The following CACNA2D3 variants were observed in gnomAD, a reference collection of about 807,000 sequenced individuals.
CACNA2D3 encodes the protein calcium voltage-gated channel auxiliary subunit alpha2delta 3, also known as voltage-dependent calcium channel subunit alpha-2/delta-3.
Under a neutral mutation model 160.6 loss-of-function variants are expected in CACNA2D3, and 60 were observed. The ratio of observed to expected loss-of-function variants is 0.37; its 90% CI spans 0.30 to 0.46. CACNA2D3 has a LOEUF of 0.46. Among genes scored for constraint, CACNA2D3 ranks in the 20% least tolerant of loss-of-function variants. The pLI, the probability that CACNA2D3 is intolerant of heterozygous loss-of-function variation, is 1.00. For synonymous variants in CACNA2D3, 558 were observed against 492.9 expected (o/e 1.13, Z -1.75); for missense variants, 1,205 against 1,365.0 (o/e 0.88, Z 1.85).
At position 54,883,829 on chromosome 3, in the gene CACNA2D3, T is replaced by TCTCTCTCTCTCTCTCTCC. The variant is rs753661413; in HGVS notation, c.1913-1449_1913-1448insTCTCTCTCTCTCTCCCTC. On this transcript the variant is annotated intron_variant, in intron 21 of 37. Transcript: ENST00000474759. The stretch of plus-strand genomic sequence containing the variant: ...TCTCTCTCTCTCTCTCTCTCCTCTC[T>TCTCTCTCTCTCTCTCTCC]CTCCCTTCAACCCTCCTTATCTCTT... Among the ~76,000 whole-genome samples, 215 of 145,722 alleles carry TCTCTCTCTCTCTCTCTCC rather than the reference T, an allele frequency of 1.5e-3. 2 individuals are homozygous for TCTCTCTCTCTCTCTCTCC. Among genetic ancestry groups the TCTCTCTCTCTCTCTCTCC allele is most frequent in the African/African-American group, 5.0e-3 (193 of 38,612 alleles).
chr3:54,533,436 G>A (rs537061375), intron 5 of CACNA2D3, among the ~76,000 whole-genome samples: 2 of 146,142 alleles, frequency 1.4e-5, no homozygotes, highest in South Asian at 4.4e-4. Flanking sequence ...CCAGGTTCAA[G>A]CGATTCTCTT....
intron 8 of CACNA2D3, among the ~76,000 whole-genome samples, chr3:54,574,309 G>A (rs551540755): frequency 6.6e-6 from 1 of 152,266 alleles, no homozygotes; most frequent in East Asian, 1.9e-4. Flanking sequence ...TCGGAGGAAA[G>A]AGATTTAAAT....
At chr3:54,185,304 CT>C (rs1700860811) in intron 2 of CACNA2D3, among the ~76,000 whole-genome samples, 1 of 151,836 alleles carries the variant, frequency 6.6e-6, no homozygotes, top group Admixed American at 6.6e-5. Flanking sequence ...AGAAGAGGAG[CT>C]TTTGGAACAC....
chr3:54,157,677 G>A (rs1700268665), intron 2 of CACNA2D3, among the ~76,000 whole-genome samples: 2 of 152,076 alleles, frequency 1.3e-5, no homozygotes, highest in African/African-American at 4.8e-5. Flanking sequence ...TGTAATCCTC[G>A]TTACTTGGGA....
At chr3:54,855,505 T>G (rs1343424626) in intron 17 of CACNA2D3, among the ~76,000 whole-genome samples, 1 of 151,848 alleles carries the variant, frequency 6.6e-6, no homozygotes, top group Non-Finnish European at 1.5e-5. Context: ...AAGGTGAGAA[T>G]ACATGGAAGG....
chr3:54,522,026 C>T (rs982303258), intron 5 of CACNA2D3, among the ~76,000 whole-genome samples: 9 of 152,086 alleles, frequency 5.9e-5, no homozygotes, highest in African/African-American at 2.2e-4. Flanking sequence ...ATTCCAGGTC[C>T]CTTGCAATTC....
intron 4 of CACNA2D3, among the ~76,000 whole-genome samples, chr3:54,390,770 A>G (rs1342351642): frequency 1.3e-5 from 2 of 152,208 alleles, no homozygotes; most frequent in East Asian, 1.9e-4. Context: ...CCCCATTGCT[A>G]TTACTGAGGT....
intron 5 of CACNA2D3, among the ~76,000 whole-genome samples, chr3:54,531,439 T>C (rs1701804064): frequency 6.6e-6 from 1 of 152,246 alleles, no homozygotes. Flanking sequence ...TGGTTCATCA[T>C]GTTTCAATCT....
intron 4 of CACNA2D3, among the ~76,000 whole-genome samples, chr3:54,394,763 G>A (rs1342120086): frequency 7.1e-5 from 5 of 70,494 alleles, no homozygotes; most frequent in Non-Finnish European, 5.2e-5. Context: ...GAATAGTGCC[G>A]CAATAAACAT....
At chr3:54,942,652 A>G (rs552015452) in intron 27 of CACNA2D3, among the ~76,000 whole-genome samples, 63 of 152,190 alleles carry the variant, frequency 4.1e-4, no homozygotes, top group African/African-American at 1.3e-3. Context: ...AGCTTGGGAG[A>G]CTGAGCCAGA....
At chr3:54,779,264 A>G (rs1187629604) in intron 13 of CACNA2D3, among the ~76,000 whole-genome samples, 1 of 151,906 alleles carries the variant, frequency 6.6e-6, no homozygotes, top group Admixed American at 6.6e-5. Context: ...ACGCCCAGCT[A>G]ATTTGTGTAT....
intron 27 of CACNA2D3, among the ~76,000 whole-genome samples, chr3:54,914,878 G>C (rs1422011552): frequency 6.6e-6 from 1 of 152,196 alleles, no homozygotes; most frequent in Non-Finnish European, 1.5e-5. Context: ...GTAATTTCCT[G>C]ACCTGCAATA....
At chr3:54,917,805 A>G (rs1411759025) in intron 27 of CACNA2D3, among the ~76,000 whole-genome samples, 2 of 152,126 alleles carry the variant, frequency 1.3e-5, no homozygotes, top group Non-Finnish European at 1.5e-5. Context: ...CCTGAGTCCT[A>G]TTATCCGGAC....
At chr3:54,948,197 A>G (rs908499) in intron 27 of CACNA2D3, among the ~76,000 whole-genome samples, 102,404 of 152,000 alleles carry the variant, frequency 0.67, 34,911 homozygotes, top group East Asian at 0.85. Context: ...TCTTGACTAG[A>G]GAGTGAGATA....
chr3:54,447,247 G>A (rs1171852689), intron 4 of CACNA2D3, among the ~76,000 whole-genome samples: 2 of 152,160 alleles, frequency 1.3e-5, no homozygotes, highest in Non-Finnish European at 2.9e-5. Context: ...AAATTATATT[G>A]TGATGGGTGA....
intron 5 of CACNA2D3, among the ~76,000 whole-genome samples, chr3:54,560,924 C>T (rs1488774621): frequency 3.3e-5 from 5 of 152,058 alleles, no homozygotes; most frequent in Admixed American, 6.6e-5. Context: ...TATTTGGTTC[C>T]ATTGGTCTAT....
chr3:54,451,538 T>C (rs1451101092), intron 4 of CACNA2D3, among the ~76,000 whole-genome samples: 2 of 152,170 alleles, frequency 1.3e-5, no homozygotes, highest in Non-Finnish European at 2.9e-5. Flanking sequence ...GGCTTCTCTT[T>C]AGGTGATTGA....
intron 4 of CACNA2D3, among the ~76,000 whole-genome samples, chr3:54,421,983 T>G (rs954640220): frequency 1.3e-5 from 2 of 152,174 alleles, no homozygotes; most frequent in African/African-American, 4.8e-5. Context: ...GTTCTTATAA[T>G]TCATTTGTAG....
At chr3:54,796,748 C>T (rs554829810) in intron 13 of CACNA2D3, among the ~76,000 whole-genome samples, 6 of 152,298 alleles carry the variant, frequency 3.9e-5, no homozygotes, top group South Asian at 2.1e-4. Flanking sequence ...TGTTCACTTC[C>T]GTGAGACACA....
Sources: gnomAD v4.1 joint callset for allele counts (sites outside exome capture counted in the v4.1 genomes callset) on GRCh38, gnomAD v4.1.1 for gene constraint, MANE v1.5 for transcripts, NCBI Gene and HGNC (gene_info 2026-07-23, HGNC 2026-07-21) for gene names.